NOTCH2NLB: variants seen among roughly 807,000 people sequenced by gnomAD.
NOTCH2NLB encodes the protein notch homolog 2 N-terminal-like protein B.
A neutral mutation model predicts 14.8 loss-of-function variants in NOTCH2NLB; 1 was observed. The ratio of observed to expected loss-of-function variants is 0.07; its 90% confidence interval spans 0.02 to 0.32. The LOEUF is 0.32. Among genes scored for constraint, NOTCH2NLB ranks in the 10% least tolerant of loss-of-function variants. NOTCH2NLB has a pLI of 1.00. For synonymous variants in NOTCH2NLB, 6 were observed against 57.5 expected (o/e 0.10, Z 4.05); for missense variants, 11 against 155.0 (o/e 0.07, Z 4.93).
intron 1 of NOTCH2NLB, among the ~76,000 whole-genome samples, chr1:148,658,952 G>GT (rs1436017536): frequency 2.7e-5 from 4 of 147,874 alleles, no homozygotes; most frequent in African/African-American, 9.8e-5. Context: ...ATACACCAGG[G>GT]TTTTTTCTAA....
rs1393064609 is a variant in NOTCH2NLB, at chr1:148,625,540, G to A, written c.78-9590C>T. On this transcript the variant is annotated intron_variant, in intron 2 of 4. Transcript: ENST00000593495. ...AAAAAAGTCTCATGTGGGTTGCGTC[G>A]GCACTGCAGCTGCTCCTCATTAAAG... is the stretch of plus-strand genomic sequence containing the variant. Among the ~76,000 whole-genome samples the A allele has an allele frequency of 6.5e-5, 7 of 107,502 alleles. No individual in the cohort carries two copies. The East Asian group carries it at 2.7e-3, about 42-fold the overall frequency. 70.5% of individuals were successfully genotyped at this position (107,502 alleles called of 152,430 possible). A position where few individuals can be genotyped will look rare whatever the true frequency, so the allele number is the denominator to read the frequency against.
rs1425537992 is a variant in NOTCH2NLB at position 148,638,567 on chromosome 1, T to C, written c.77+1449A>G. 2.1e-4 allele frequency among the ~76,000 whole-genome samples: 31 copies of C among 149,182 alleles called. 2 individuals are homozygous for C. The highest frequency in any genetic ancestry group is 7.3e-4 in the African/African-American group (29 of 39,936). Reference sequence around the variant, plus strand: ...AGGAGAATGCACCACATGTTTTTTTTCCCCCAGCTAGAAAAACTAAATGAG... The same window carrying C: ...AGGAGAATGCACCACATGTTTTTTTCCCCCCAGCTAGAAAAACTAAATGAG... On this transcript the variant is annotated intron_variant, in intron 2 of 4. Transcript: ENST00000593495.
chr1:148,601,397 A>G, the NOTCH2NLB span, among the ~76,000 whole-genome samples: 4 of 150,598 alleles, frequency 2.7e-5, no homozygotes, highest in Non-Finnish European at 5.9e-5. Flanking sequence ...TTAGGTTTTT[A>G]GGGAAAGGTA....
chr1:148,615,593 T>TG, intron 3 of NOTCH2NLB, 98 bp downstream of exon 3: 1 of 100,236 alleles, frequency 1.0e-5, no homozygotes, highest in Non-Finnish European at 1.8e-5. Flanking sequence ...GCACCAGAGC[T>TG]GGGGGACATT....
chr1:148,605,436 C>CCACA (rs1258084517), downstream of NOTCH2NLB, among the ~76,000 whole-genome samples: 1 of 141,580 alleles, frequency 7.1e-6, no homozygotes, highest in Non-Finnish European at 1.5e-5. Flanking sequence ...ATCTCCCCTC[C>CCACA]CACACACACA....
chr1:148,633,552 C>A (rs1664157903), intron 2 of NOTCH2NLB, among the ~76,000 whole-genome samples: 1 of 28,798 alleles, frequency 3.5e-5, no homozygotes. Context: ...GACTCTGTCT[C>A]AAAAAAAAAC....
chr1:148,647,155 G>GCA (rs1664395777), intron 1 of NOTCH2NLB, among the ~76,000 whole-genome samples: 1 of 72,028 alleles, frequency 1.4e-5, no homozygotes, highest in Non-Finnish European at 3.1e-5. Flanking sequence ...GTTTTAAACT[G>GCA]GCATTACTTG....
chr1:148,700,719 G>T, the NOTCH2NLB span, among the ~76,000 whole-genome samples: 20 of 5,348 alleles, frequency 3.7e-3, no homozygotes, highest in African/African-American at 0.011. Context: ...TTTTAATGGG[G>T]TTTTTTTTTT....
intron 2 of NOTCH2NLB, among the ~76,000 whole-genome samples, chr1:148,638,418 T>C (rs1664265815): frequency 6.7e-6 from 1 of 148,816 alleles, no homozygotes; most frequent in Non-Finnish European, 1.5e-5. Flanking sequence ...AAGAGTTGCA[T>C]AACAGAATAA....
intron 1 of NOTCH2NLB, among the ~76,000 whole-genome samples, chr1:148,651,154 A>T (rs1455102449): frequency 6.2e-5 from 5 of 81,228 alleles, no homozygotes; most frequent in African/African-American, 1.8e-4. Flanking sequence ...GAAAAAAAAA[A>T]AAAAAAAAAT....
intron 3 of NOTCH2NLB, among the ~76,000 whole-genome samples, chr1:148,610,397 GAGAA>G (rs1278498810): frequency 8.1e-5 from 10 of 123,798 alleles, no homozygotes; most frequent in East Asian, 2.1e-4. Context: ...GAAAGAAAGG[GAGAA>G]AGAAAGAAAG....
chr1:148,615,113 ACT>A (rs1663773289), intron 3 of NOTCH2NLB, among the ~76,000 whole-genome samples: 2 of 138,604 alleles, frequency 1.4e-5, no homozygotes, highest in African/African-American at 2.5e-5. Flanking sequence ...AGTGAAGTAA[ACT>A]CTGATTCCCC....
At chr1:148,608,206 G>A (rs1663566955) in intron 3 of NOTCH2NLB, among the ~76,000 whole-genome samples, 1 of 135,830 alleles carries the variant, frequency 7.4e-6, no homozygotes. Flanking sequence ...AGCCAATATG[G>A]TGAAACCCTG....
downstream of NOTCH2NLB, among the ~76,000 whole-genome samples, chr1:148,605,034 T>C (rs1473692553): frequency 3.5e-5 from 5 of 143,008 alleles, 1 homozygote; most frequent in Non-Finnish European, 7.7e-5. Context: ...TAGGAGTGTC[T>C]TGGTTTTCTT....
intron 2 of NOTCH2NLB, among the ~76,000 whole-genome samples, chr1:148,621,587 T>C: frequency 7.8e-6 from 1 of 127,492 alleles, no homozygotes; most frequent in Non-Finnish European, 1.6e-5. Flanking sequence ...GTCTACTAAA[T>C]TAAACACTTT....
At chr1:148,701,017 G>A in the NOTCH2NLB span, among the ~76,000 whole-genome samples, 2 of 60,258 alleles carry the variant, frequency 3.3e-5, 1 homozygote, top group Non-Finnish European at 6.6e-5. Context: ...ACAGACCTTA[G>A]ACTATGTGGA....
chr1:148,649,568 TG>T, intron 1 of NOTCH2NLB, among the ~76,000 whole-genome samples: 1 of 147,176 alleles, frequency 6.8e-6, no homozygotes, highest in Non-Finnish European at 1.5e-5. Context: ...TGGAGTGCAG[TG>T]GCGCAATCTC....
At chr1:148,638,726 A>G (rs1664273225) in intron 2 of NOTCH2NLB, among the ~76,000 whole-genome samples, 2 of 149,444 alleles carry the variant, frequency 1.3e-5, no homozygotes, top group African/African-American at 5.0e-5. Flanking sequence ...TCTGACTTGA[A>G]AAAAAAATCT....
chr1:148,637,156 C>T (rs1161757748), intron 2 of NOTCH2NLB, among the ~76,000 whole-genome samples: 1 of 142,878 alleles, frequency 7.0e-6, no homozygotes, highest in Non-Finnish European at 1.5e-5. Context: ...GCAAGCTCTG[C>T]CTCCTGGTTT....
Sources: allele counts gnomAD v4.1 joint callset (sites outside exome capture counted in the v4.1 genomes callset), GRCh38; gene constraint gnomAD v4.1.1; transcripts MANE v1.5; gene names NCBI Gene and HGNC (gene_info 2026-07-23, HGNC 2026-07-21).